The following CDYL2 variants were observed in gnomAD, a reference collection of about 807,000 sequenced individuals.
CDYL2 encodes chromodomain Y like 2.
Under a neutral mutation model 49.4 loss-of-function variants are expected in CDYL2, and 23 were observed. The observed-to-expected ratio is 0.47, with a 90% confidence interval of 0.34 to 0.66. CDYL2 has a LOEUF of 0.66. Among genes scored for constraint, CDYL2 ranks in the 30% least tolerant of loss-of-function variants. The pLI is 0.01. For synonymous variants in CDYL2, 360 were observed against 268.8 expected (o/e 1.34, Z -3.32); for missense variants, 678 against 656.4 (o/e 1.03, Z -0.36).
intron 1 of CDYL2, among the ~76,000 whole-genome samples, chr16:80,771,120 T>G (rs897280445): frequency 1.3e-5 from 2 of 152,216 alleles, no homozygotes; most frequent in South Asian, 4.1e-4. Context: ...TTGTAAGTGG[T>G]TTAAGATGAT....
chr16:80,715,942 C>T (rs941854124), intron 1 of CDYL2, among the ~76,000 whole-genome samples: 2 of 152,228 alleles, frequency 1.3e-5, no homozygotes, highest in Non-Finnish European at 1.5e-5. Flanking sequence ...CTAAGCCAGA[C>T]TTCCTAAGCC....
At chr16:80,623,229 T>A (rs1907159956) in intron 3 of CDYL2, among the ~76,000 whole-genome samples, 1 of 151,958 alleles carries the variant, frequency 6.6e-6, no homozygotes, top group Non-Finnish European at 1.5e-5. Context: ...AAGGTCCACA[T>A]GCGCCTCTGG....
At chr16:80,781,228 C>T (rs541582929) in intron 1 of CDYL2, among the ~76,000 whole-genome samples, 11 of 152,262 alleles carry the variant, frequency 7.2e-5, no homozygotes, top group South Asian at 6.2e-4. Context: ...GGGAACTGTT[C>T]GTATGAAAAG....
At chr16:80,778,395 A>G (rs74030426) in intron 1 of CDYL2, among the ~76,000 whole-genome samples, 3,059 of 151,078 alleles carry the variant, frequency 0.02, 100 homozygotes, top group African/African-American at 0.072. Context: ...TATCTTATAT[A>G]AAATTATAAC....
chr16:80,627,234 C>T (rs1174161677), intron 3 of CDYL2, among the ~76,000 whole-genome samples: 1 of 152,038 alleles, frequency 6.6e-6, no homozygotes, highest in Non-Finnish European at 1.5e-5. Context: ...AATCCATCTG[C>T]CTCCAGAAAT....
chr16:80,656,440 G>A (rs1017417494), intron 2 of CDYL2, among the ~76,000 whole-genome samples: 1 of 152,246 alleles, frequency 6.6e-6, no homozygotes, highest in African/African-American at 2.4e-5. Context: ...TGGGCTGCAG[G>A]GCTGGACAAC....
intron 1 of CDYL2, among the ~76,000 whole-genome samples, chr16:80,799,431 T>C (rs1318538938): frequency 6.6e-6 from 1 of 152,210 alleles, no homozygotes; most frequent in African/African-American, 2.4e-5. Context: ...ATCATCATTG[T>C]TCCCCAAGTG....
chr16:80,744,491 G>GAA (rs35937964), intron 1 of CDYL2, among the ~76,000 whole-genome samples: 2 of 151,930 alleles, frequency 1.3e-5, no homozygotes, highest in African/African-American at 4.8e-5. Context: ...CCAAAAGAAG[G>GAA]AAAAAAAGAA....
chr16:80,624,486 T>G (rs1009991002), intron 3 of CDYL2, among the ~76,000 whole-genome samples: 1 of 151,890 alleles, frequency 6.6e-6, no homozygotes, highest in Non-Finnish European at 1.5e-5. Flanking sequence ...CTGATGGAAA[T>G]GAATGTAAAA....
At chr16:80,766,587 G>T (rs1906733049) in intron 1 of CDYL2, among the ~76,000 whole-genome samples, 1 of 152,054 alleles carries the variant, frequency 6.6e-6, no homozygotes. Context: ...ACCCAATGAG[G>T]CAGGCACTAC....
chr16:80,602,752 A>G lies in CDYL2; in HGVS notation c.*1636T>C, dbSNP rs1906147497. The G allele has an allele frequency of 6.6e-6, 1 of 152,292 alleles. No individual in the cohort carries two copies. The highest frequency in any genetic ancestry group is 6.5e-5 in the Admixed American group (1 of 15,280). The allele number at this position is 152,292 out of a possible 1,614,324, so 9.4% of individuals were successfully genotyped here. A position where few individuals can be genotyped will look rare whatever the true frequency, so the allele number is the denominator to read the frequency against. ...GGAAAGGGGAAGAAGGGGAGGGCCA[A>G]GGGCCTCCAGGAATACGCAGGGGCT... On this transcript the variant is annotated 3_prime_UTR_variant, in exon 7 of 7. Transcript: ENST00000570137.
intron 1 of CDYL2, among the ~76,000 whole-genome samples, chr16:80,765,611 C>G (rs1906692447): frequency 6.7e-6 from 1 of 150,244 alleles, no homozygotes; most frequent in African/African-American, 2.4e-5. Context: ...AACTTGTACA[C>G]AGATGTTCAC....
At chr16:80,698,594 G>C (rs1298438799) in intron 1 of CDYL2, among the ~76,000 whole-genome samples, 1 of 152,078 alleles carries the variant, frequency 6.6e-6, no homozygotes, top group Non-Finnish European at 1.5e-5. Context: ...TTGGATTATG[G>C]GGGCACAGTT....
At chr16:80,687,815 G>C (rs570027631) in intron 1 of CDYL2, among the ~76,000 whole-genome samples, 1 of 152,302 alleles carries the variant, frequency 6.6e-6, no homozygotes, top group Admixed American at 6.5e-5. Flanking sequence ...CAGAAGTATA[G>C]CGCCTATCTC....
chr16:80,606,324 G>C (rs933408433), intron 6 of CDYL2, among the ~76,000 whole-genome samples: 10 of 152,200 alleles, frequency 6.6e-5, no homozygotes, highest in Non-Finnish European at 1.3e-4. Flanking sequence ...TTTGGCAGCA[G>C]AGACCTCCTT....
chr16:80,682,476 G>A lies in CDYL2; in HGVS notation c.616+2062C>T, dbSNP rs115399526. The stretch of plus-strand genomic sequence containing the variant: ...CCGAAGGGTGAAGAGCACAGAGCTC[G>A]CAGCTCTGCCTCACCGCAGAAGATT... On this transcript the variant is annotated intron_variant, in intron 2 of 6. Coordinates refer to ENST00000570137, the MANE Select transcript of CDYL2 (RefSeq NM_152342.4). Among the ~76,000 whole-genome samples the A allele has an allele frequency of 2.9e-3, 448 of 152,282 alleles. 3 individuals carry two copies. The highest frequency in any genetic ancestry group is 0.01 in the African/African-American group (422 of 41,556).
chr16:80,772,444 G>A (rs1250282574), intron 1 of CDYL2, among the ~76,000 whole-genome samples: 1 of 152,144 alleles, frequency 6.6e-6, no homozygotes, highest in Admixed American at 6.6e-5. Flanking sequence ...TGGGAATAGT[G>A]CAAATTGCAA....
At chr16:80,707,537 G>C (rs1325749857) in intron 1 of CDYL2, among the ~76,000 whole-genome samples, 2 of 152,134 alleles carry the variant, frequency 1.3e-5, no homozygotes, top group Non-Finnish European at 2.9e-5. Flanking sequence ...CTTCCAGAGG[G>C]CTCCTTCTGG....
intron 1 of CDYL2, among the ~76,000 whole-genome samples, chr16:80,706,592 A>G (rs1003070039): frequency 7.9e-5 from 12 of 152,200 alleles, no homozygotes; most frequent in Admixed American, 2.0e-4. Context: ...AGTTGCCACC[A>G]AGCCGCTAGG....
Sources: gnomAD v4.1 joint callset for allele counts (sites outside exome capture counted in the v4.1 genomes callset) on GRCh38, gnomAD v4.1.1 for gene constraint, MANE v1.5 for transcripts, NCBI Gene and HGNC (gene_info 2026-07-23, HGNC 2026-07-21) for gene names.